The following SDK1 variants were observed in gnomAD, a reference collection of about 807,000 sequenced individuals.
SDK1 encodes sidekick cell adhesion molecule 1.
SDK1 carries 157 observed loss-of-function variants against 245.5 expected under a neutral mutation model. That is an observed-to-expected ratio of 0.64 (90% CI 0.56 to 0.73). The LOEUF (loss-of-function observed/expected upper bound fraction) is 0.73, where lower values mean the gene tolerates loss of function less well. Among genes scored for constraint, SDK1 ranks in the 30% least tolerant of loss-of-function variants. SDK1 has a pLI of 0.00. For missense variants in SDK1, 3,583 were observed against 3,002.3 expected (o/e 1.19, Z -4.52); for synonymous variants, 1,647 against 1,278.5 (o/e 1.29, Z -6.15).
intron 5 of SDK1, among the ~76,000 whole-genome samples, chr7:3,928,361 A>C (rs1347149936): frequency 6.6e-6 from 1 of 152,172 alleles, no homozygotes; most frequent in Non-Finnish European, 1.5e-5. Flanking sequence ...AAATCCCTCA[A>C]TTCTACAACT....
chr7:4,164,410 G>T (rs1400515777), intron 32 of SDK1, among the ~76,000 whole-genome samples: 1 of 152,116 alleles, frequency 6.6e-6, no homozygotes, highest in Non-Finnish European at 1.5e-5. Flanking sequence ...TAGACCCCCA[G>T]ACCCGAGCTT....
intron 4 of SDK1, among the ~76,000 whole-genome samples, chr7:3,693,891 C>G (rs978429000): frequency 2.0e-5 from 3 of 152,274 alleles, no homozygotes; most frequent in East Asian, 3.9e-4. Context: ...GCACATTTGT[C>G]TCTGCCTTGA....
intron 42 of SDK1, 31 bp from the exon 43 acceptor site, chr7:4,241,762 C>G (rs768520128): frequency 1.2e-5 from 19 of 1,613,530 alleles, no homozygotes; most frequent in Non-Finnish European, 1.6e-5. Context: ...ACCAGTAACA[C>G]GTCTGTTCTC....
At chr7:4,067,973 G>A (rs1251295925) in intron 20 of SDK1, 37 bp downstream of exon 20, 2 of 1,476,774 alleles carry the variant, frequency 1.4e-6, no homozygotes, top group Admixed American at 3.7e-5. Flanking sequence ...GAAAAGATAA[G>A]TTTGTCCTCA....
At chr7:3,479,251 G>A (rs576910495) in intron 1 of SDK1, among the ~76,000 whole-genome samples, 5 of 151,380 alleles carry the variant, frequency 3.3e-5, no homozygotes, top group South Asian at 2.1e-4. Flanking sequence ...GCAAAACCCC[G>A]TCTCTACCAA....
intron 4 of SDK1, among the ~76,000 whole-genome samples, chr7:3,645,807 C>G (rs997031474): frequency 1.3e-5 from 2 of 152,098 alleles, no homozygotes; most frequent in Non-Finnish European, 2.9e-5. Context: ...GCATTTGACT[C>G]AAGGTGCTTC....
chr7:3,910,164 C>T (rs1318977158), intron 5 of SDK1, among the ~76,000 whole-genome samples: 4 of 152,190 alleles, frequency 2.6e-5, no homozygotes, highest in Non-Finnish European at 5.9e-5. Flanking sequence ...TTATTTTCCC[C>T]TGGAATGTGC....
intron 5 of SDK1, among the ~76,000 whole-genome samples, chr7:3,911,673 C>T (rs1349143370): frequency 6.6e-6 from 1 of 152,174 alleles, no homozygotes; most frequent in African/African-American, 2.4e-5. Context: ...GGTCTTACAG[C>T]CGGTGGTAGC....
At chr7:4,217,423 C>A (rs1784878837) in intron 38 of SDK1, among the ~76,000 whole-genome samples, 2 of 135,454 alleles carry the variant, frequency 1.5e-5, no homozygotes, top group African/African-American at 5.9e-5. Context: ...CCACCCGGAG[C>A]ACCAGGCCAC....
intron 4 of SDK1, among the ~76,000 whole-genome samples, chr7:3,798,771 C>A (rs142718265): frequency 6.6e-6 from 1 of 152,112 alleles, no homozygotes; most frequent in Admixed American, 6.5e-5. Context: ...GTAGTTAAGC[C>A]CCCTCCTACT....
At chr7:3,338,518 G>GT (rs1227584730) in intron 1 of SDK1, 2 of 446,948 alleles carry the variant, frequency 4.5e-6, no homozygotes, top group Non-Finnish European at 8.6e-6. Flanking sequence ...GAGCCAGCCT[G>GT]TTCCCAGAGA....
chr7:3,624,928 C>G (rs998512460), intron 2 of SDK1, among the ~76,000 whole-genome samples: 1 of 152,064 alleles, frequency 6.6e-6, no homozygotes, highest in Non-Finnish European at 1.5e-5. Context: ...GCCTGTAATC[C>G]CAGCTACTCG....
intron 4 of SDK1, among the ~76,000 whole-genome samples, chr7:3,758,609 G>A (rs6949215): frequency 0.061 from 9,293 of 152,196 alleles, 836 homozygotes; most frequent in African/African-American, 0.2. Flanking sequence ...TTTGTTTGAC[G>A]TGCTCTTATC....
In SDK1 at chr7:3,998,786, G is replaced by T. The variant is rs988713711; in HGVS notation, c.2131+11464G>T. On this transcript the variant is annotated intron_variant, in intron 14 of 44. Coordinates refer to ENST00000404826, the MANE Select transcript of SDK1 (RefSeq NM_152744.4). ...CACCTCCGTATCTTCCGCATCGCTC[G>T]CTGTCTTCCACGTGGAGTTCCGTGC... 3.3e-5 allele frequency among the ~76,000 whole-genome samples: 5 copies of T among 152,156 alleles called. No homozygotes were observed. In the South Asian group the frequency reaches 1.0e-3, roughly 31 times the overall value.
intron 1 of SDK1, among the ~76,000 whole-genome samples, chr7:3,401,840 A>G (rs1778895895): frequency 6.6e-6 from 1 of 152,204 alleles, no homozygotes; most frequent in Non-Finnish European, 1.5e-5. Context: ...TGGCATTTGT[A>G]TAAATGCCTA....
chr7:3,818,046 G>C (rs1047740024), intron 4 of SDK1, among the ~76,000 whole-genome samples: 5 of 152,180 alleles, frequency 3.3e-5, no homozygotes, highest in Admixed American at 6.5e-5. Context: ...CTCCCGAGCG[G>C]CAGCTCATCT....
At chr7:3,714,733 T>C (rs866354967) in intron 4 of SDK1, among the ~76,000 whole-genome samples, 5 of 152,242 alleles carry the variant, frequency 3.3e-5, no homozygotes, top group African/African-American at 1.2e-4. Flanking sequence ...CAAGTTTCCA[T>C]GCTTGAAGCG....
At chr7:3,341,442 C>A (rs1780345888) in intron 1 of SDK1, among the ~76,000 whole-genome samples, 1 of 152,176 alleles carries the variant, frequency 6.6e-6, no homozygotes, top group African/African-American at 2.4e-5. Flanking sequence ...AGGTTGGGAA[C>A]AAGGCCAGGA....
intron 1 of SDK1, among the ~76,000 whole-genome samples, chr7:3,415,152 C>CATTT (rs1049317598): frequency 1.3e-5 from 2 of 152,054 alleles, no homozygotes; most frequent in Admixed American, 1.3e-4. Context: ...AACTTTATAT[C>CATTT]ATTTATTTAT....
Sources: gnomAD v4.1 joint callset for allele counts (sites outside exome capture counted in the v4.1 genomes callset) on GRCh38, gnomAD v4.1.1 for gene constraint, MANE v1.5 for transcripts, NCBI Gene and HGNC (gene_info 2026-07-23, HGNC 2026-07-21) for gene names.